EYS: variants seen among roughly 807,000 people sequenced by gnomAD.
The protein encoded by EYS is protein eyes shut homolog.
In EYS, 250 loss-of-function variants were observed where a neutral mutation model predicts 282.1. The observed-to-expected ratio is 0.89, with a 90% CI of 0.80 to 0.98. The LOEUF (loss-of-function observed/expected upper bound fraction) is 0.98, where lower values mean the gene tolerates loss of function less well. EYS is among the 50% of genes least tolerant of loss of function. The pLI, the probability that EYS is intolerant of heterozygous loss-of-function variation, is 0.00. For missense variants in EYS, 4,016 were observed against 3,709.0 expected, an observed-to-expected ratio of 1.08 and a Z score of -2.15; for synonymous variants, 1,355 against 1,282.9, an observed-to-expected ratio of 1.06 and a Z score of -1.20.
At chr6:64,894,849 C>A (rs778598442) in intron 18 of EYS, among the ~76,000 whole-genome samples, 2 of 152,058 alleles carry the variant, frequency 1.3e-5, no homozygotes, top group African/African-American at 2.4e-5. Flanking sequence ...TCAGGTGAGG[C>A]CACAAATACA....
rs186639401 is a variant in EYS, at chr6:64,429,726, T to G, written c.5927+6448A>C. Among the ~76,000 whole-genome samples, 1,325 of 152,284 alleles carry G rather than the reference T, an allele frequency of 8.7e-3. 7 individuals carry two copies. Among genetic ancestry groups the G allele is most frequent in the Non-Finnish European group, 0.015 (996 of 68,000 alleles). ...CATTTTAAGATCCTCTTTTCCCACG[T>G]TAAATGATGAAATTTCACTCCTACT... On this transcript the variant is annotated intron_variant, in intron 28 of 42. Coordinates refer to ENST00000503581, the MANE Select transcript of EYS (RefSeq NM_001142800.2).
chr6:64,644,984 T>A (rs986541831), intron 22 of EYS, among the ~76,000 whole-genome samples: 4 of 152,226 alleles, frequency 2.6e-5, no homozygotes, highest in African/African-American at 9.6e-5. Context: ...TTATTGTTTT[T>A]TAAATCTCTA....
intron 26 of EYS, among the ~76,000 whole-genome samples, chr6:64,507,797 G>A (rs1777259857): frequency 6.6e-6 from 1 of 152,086 alleles, no homozygotes; most frequent in East Asian, 1.9e-4. Flanking sequence ...TTCTCTTAGG[G>A]TTTGGCTTCC....
At chr6:64,961,560 A>T (rs1314006022) in intron 14 of EYS, among the ~76,000 whole-genome samples, 5 of 152,020 alleles carry the variant, frequency 3.3e-5, no homozygotes, top group Non-Finnish European at 7.4e-5. Context: ...AAAATACTCA[A>T]CAGCTACACT....
intron 41 of EYS, among the ~76,000 whole-genome samples, chr6:63,738,489 A>G (rs1352510887): frequency 6.6e-6 from 1 of 151,140 alleles, no homozygotes; most frequent in Non-Finnish European, 1.5e-5. Flanking sequence ...TCGCAAGAAC[A>G]AAAAACCAAA....
At chr6:64,470,009 C>T (rs1342986323) in intron 26 of EYS, among the ~76,000 whole-genome samples, 1 of 152,190 alleles carries the variant, frequency 6.6e-6, no homozygotes, top group Non-Finnish European at 1.5e-5. Flanking sequence ...CAGGGAAGGG[C>T]CCCCTATCCA....
intron 35 of EYS, among the ~76,000 whole-genome samples, chr6:63,915,601 G>A (rs1764402174): frequency 6.6e-6 from 1 of 152,182 alleles, no homozygotes; most frequent in South Asian, 2.1e-4. Context: ...GATGGACTAG[G>A]CAAAGTCAGT....
At chr6:65,428,265 T>A (rs1007337419) in intron 5 of EYS, among the ~76,000 whole-genome samples, 2 of 152,064 alleles carry the variant, frequency 1.3e-5, no homozygotes, top group Non-Finnish European at 2.9e-5. Flanking sequence ...TACTCAAAGA[T>A]CTAGATTTAT....
At chr6:64,413,353 G>T (rs767882736) in intron 28 of EYS, among the ~76,000 whole-genome samples, 1 of 152,034 alleles carries the variant, frequency 6.6e-6, no homozygotes, top group Non-Finnish European at 1.5e-5. Context: ...CCTTGCCAAT[G>T]TCCAAACATC....
At chr6:63,806,994 G>A (rs1770924234) in intron 36 of EYS, 1 of 152,164 alleles carries the variant, frequency 6.6e-6, no homozygotes, top group Admixed American at 6.5e-5. Context: ...AATTCAATTG[G>A]TGTGAAAGTG....
At chr6:63,877,097 C>T (rs62412978) in intron 35 of EYS, among the ~76,000 whole-genome samples, 3,701 of 152,194 alleles carry the variant, frequency 0.024, 49 homozygotes, top group Non-Finnish European at 0.037. Flanking sequence ...GATTTTGCAG[C>T]GGCTGGTACT....
intron 31 of EYS, among the ~76,000 whole-genome samples, chr6:64,178,561 C>A (rs1764700054): frequency 6.6e-6 from 1 of 151,964 alleles, no homozygotes; most frequent in South Asian, 2.1e-4. Context: ...TAGACTTTAG[C>A]ACTGTGCCTG....
intron 22 of EYS, among the ~76,000 whole-genome samples, chr6:64,676,318 A>ATATATC (rs758135431): frequency 2.1e-5 from 3 of 145,416 alleles, no homozygotes; most frequent in Non-Finnish European, 3.0e-5. Context: ...CAATATATCT[A>ATATATC]TATATATATA....
chr6:65,586,460 T>G (rs1388241694), intron 2 of EYS, among the ~76,000 whole-genome samples: 2 of 152,106 alleles, frequency 1.3e-5, no homozygotes. Flanking sequence ...GTAGCCATTG[T>G]GGAATTAGGA....
At chr6:65,147,955 A>T (rs1277292013) in intron 12 of EYS, among the ~76,000 whole-genome samples, 6 of 152,028 alleles carry the variant, frequency 3.9e-5, no homozygotes, top group African/African-American at 1.4e-4. Flanking sequence ...ACTCACTATC[A>T]TGAGGACATC....
At position 64,767,079 on chromosome 6, in the gene EYS, A is replaced by C. The variant is rs554175797; in HGVS notation, c.3443+46299T>G. 3.9e-5 allele frequency among the ~76,000 whole-genome samples: 6 copies of C among 152,078 alleles called. No individual in the cohort carries two copies. In the South Asian group the frequency reaches 1.2e-3, roughly 32 times the overall value. On this transcript the variant is annotated intron_variant, in intron 22 of 42. Coordinates refer to ENST00000503581, the MANE Select transcript of EYS (RefSeq NM_001142800.2). ...CATGAGCTATATATTTTTTTGCTCT[A>C]CAATCAAATAAAGGTAAAATTGTAT...
At chr6:64,048,322 TTTA>T (rs898461582) in intron 33 of EYS, among the ~76,000 whole-genome samples, 1 of 152,164 alleles carries the variant, frequency 6.6e-6, no homozygotes, top group African/African-American at 2.4e-5. Flanking sequence ...TTCTGGAGAA[TTTA>T]TTTTGATCCT....
intron 12 of EYS, among the ~76,000 whole-genome samples, chr6:65,213,966 C>T (rs1766243447): frequency 2.0e-5 from 3 of 151,774 alleles, no homozygotes; most frequent in Admixed American, 2.0e-4. Flanking sequence ...AGAGACCATC[C>T]TGGCTAACAT....
intron 36 of EYS, 32 bp downstream of exon 36, chr6:63,864,154 G>A (rs1236905801): frequency 1.4e-6 from 2 of 1,432,632 alleles, no homozygotes; most frequent in Non-Finnish European, 1.8e-6. Flanking sequence ...CTTTCTGTCT[G>A]TGCTCCATGT....
Sources: gnomAD v4.1 joint callset for allele counts (sites outside exome capture counted in the v4.1 genomes callset) on GRCh38, gnomAD v4.1.1 for gene constraint, MANE v1.5 for transcripts, NCBI Gene and HGNC (gene_info 2026-07-23, HGNC 2026-07-21) for gene names.